Variants in USP34 observed in about 807,000 individuals in gnomAD.
USP34 encodes the protein ubiquitin specific peptidase 34.
A neutral mutation model predicts 460.3 loss-of-function variants in USP34; 70 were observed. The ratio of observed to expected loss-of-function variants is 0.15; its 90% CI spans 0.13 to 0.19. USP34 has a LOEUF of 0.19. Ranked by LOEUF, USP34 falls within the 10% of genes least tolerant of loss-of-function variation. USP34 has a pLI of 1.00. For synonymous variants in USP34, 1,647 were observed against 1,405.3 expected (o/e 1.17, Z -3.85); for missense variants, 3,985 against 4,236.2 (o/e 0.94, Z 1.65).
chr2:61,318,109 C>T (rs979777361), intron 22 of USP34, among the ~76,000 whole-genome samples: 2 of 147,454 alleles, frequency 1.4e-5, no homozygotes, highest in Non-Finnish European at 3.0e-5. Flanking sequence ...GGGAGAATTG[C>T]TTGAGCCTGG....
rs370507545 is a variant in USP34 at position 61,395,080 on chromosome 2, G to C, written c.604-78C>G. ...ATCTTAGCAATACTGGAAAGATACTGATGAGAAACTCAAAAGACATATATA... is the reference window on the plus strand; with the variant it reads ...ATCTTAGCAATACTGGAAAGATACTCATGAGAAACTCAAAAGACATATATA... On this transcript the variant is annotated intron_variant, in intron 4 of 79. Transcript: ENST00000398571. The C allele has an allele frequency of 7.5e-6, 11 of 1,465,842 alleles. No homozygotes were observed. The East Asian group carries it at 2.4e-4, about 31-fold the overall frequency. 90.8% of individuals were successfully genotyped at this position (1,465,842 alleles called of 1,614,324 possible).
intron 53 of USP34, among the ~76,000 whole-genome samples, chr2:61,239,055 A>G (rs193156125): frequency 2.4e-4 from 37 of 152,002 alleles, no homozygotes; most frequent in African/African-American, 8.9e-4. Context: ...TCAGGGTACC[A>G]CGAACTACAC....
chr2:61,220,221 T>C (rs1293698590), intron 67 of USP34, 89 bp downstream of exon 67: 12 of 920,512 alleles, frequency 1.3e-5, no homozygotes, highest in African/African-American at 1.8e-5. Context: ...TATACAACAA[T>C]GGGCATGTCG....
intron 1 of USP34, among the ~76,000 whole-genome samples, chr2:61,423,726 T>C (rs1311785984): frequency 6.6e-6 from 1 of 152,192 alleles, no homozygotes; most frequent in African/African-American, 2.4e-5. Flanking sequence ...GGAAGACTGC[T>C]TGAGGCCAGG....
intron 72 of USP34, 123 bp downstream of exon 72, chr2:61,205,894 G>C (rs1307557417): frequency 1.5e-6 from 1 of 666,602 alleles, no homozygotes; most frequent in Non-Finnish European, 2.6e-6. Context: ...CTGCTAGCTA[G>C]TGTGAGTTAC....
At chr2:61,267,680 C>G (rs1258277401) in intron 41 of USP34, among the ~76,000 whole-genome samples, 1 of 152,134 alleles carries the variant, frequency 6.6e-6, no homozygotes, top group Non-Finnish European at 1.5e-5. Context: ...GTGGCGCCAT[C>G]TCGGCTCACC....
At position 61,386,490 on chromosome 2, in the gene USP34, C is replaced by CA. The variant is rs1468556279; in HGVS notation, c.754-3155dup. ...TCAAGGTAAGCAAGAAAAAATTTTT[C>CA]AAAAAAAACAACAACTTTGGCCGGG... is the stretch of plus-strand genomic sequence containing the variant. On this transcript the variant is annotated intron_variant, in intron 5 of 79. Transcript: ENST00000398571. 9.9e-5 allele frequency among the ~76,000 whole-genome samples: 15 copies of CA among 151,374 alleles called. No individual in the cohort carries two copies. The South Asian group carries it at 1.9e-3, about 19-fold the overall frequency.
Position 61,420,737 on chromosome 2 carries a change from G to A in USP34, c.131+9C>T. On this transcript the variant is annotated intron_variant, in intron 2 of 79. Coordinates refer to ENST00000398571, the MANE Select transcript of USP34 (RefSeq NM_014709.4). ...AAAATTAGTCTTCGAAATACCTAAA[G>A]ATGCATACCTCTGTGTCCAGGAATT... is the stretch of plus-strand genomic sequence containing the variant. 4 of 1,580,094 alleles carry A rather than the reference G, an allele frequency of 2.5e-6. No homozygotes were observed. The highest frequency in any genetic ancestry group is 3.4e-6 in the Non-Finnish European group (4 of 1,165,516).
chr2:61,432,574 T>A (rs1428691405), intron 1 of USP34, among the ~76,000 whole-genome samples: 1 of 152,006 alleles, frequency 6.6e-6, no homozygotes, highest in Non-Finnish European at 1.5e-5. Context: ...AGCTCAAGAG[T>A]TCTAGGCCAG....
At chr2:61,207,732 A>G (rs1269832574) in intron 70 of USP34, 6 of 152,306 alleles carry the variant, frequency 3.9e-5, no homozygotes, top group Admixed American at 6.5e-5. Flanking sequence ...GTTGCATTTT[A>G]AAGAATGAAA....
Position 61,350,318 on chromosome 2 carries a change from A to G in USP34, c.1449T>C (p.Ser483=). ...ATAAAGATGCAAAAGAACTCTGTTT[A>G]GATAACTGAGCCTTAGCTGCTAGTG... ...NNALAAKAQL[S]KQSSFASLLN... is the part of the protein sequence containing the mutation. The change falls in exon 12 of 80, where the codon TCT becomes TCC. Residue 483 remains serine, a synonymous_variant. Transcript: ENST00000398571. 1 of 1,613,444 alleles carries G rather than the reference A, an allele frequency of 6.2e-7. No homozygotes were observed. The highest frequency in any genetic ancestry group is 8.5e-7 in the Non-Finnish European group (1 of 1,179,544).
intron 43 of USP34, chr2:61,265,179 TGTG>T: frequency 3.9e-6 from 2 of 516,296 alleles, no homozygotes. Context: ...ATTCCATAGC[TGTG>T]TTTTCCTTTG....
chr2:61,467,969 T>C (rs2104125428), intron 1 of USP34, among the ~76,000 whole-genome samples: 1 of 152,198 alleles, frequency 6.6e-6, no homozygotes, highest in Middle Eastern at 3.4e-3. Context: ...ATGCTCATCT[T>C]TGTACAAGGT....
chr2:61,191,330 G>A (rs1183508269), intron 76 of USP34: 1 of 151,910 alleles, frequency 6.6e-6, no homozygotes, highest in African/African-American at 2.4e-5. Context: ...ATTTAAATGT[G>A]CATTTTAATA....
chr2:61,332,361 T>A (rs1014616803), intron 19 of USP34, among the ~76,000 whole-genome samples: 1 of 152,090 alleles, frequency 6.6e-6, no homozygotes, highest in Non-Finnish European at 1.5e-5. Context: ...TGATGTAGTT[T>A]ATGAGATTTA....
chr2:61,401,140 ACT>A (rs1483009109), intron 3 of USP34, among the ~76,000 whole-genome samples: 4 of 119,784 alleles, frequency 3.3e-5, no homozygotes, highest in East Asian at 2.5e-4. Flanking sequence ...ACCAAGCAAG[ACT>A]CTGTCTCAAA....
chr2:61,425,414 A>G (rs183306879), intron 1 of USP34, among the ~76,000 whole-genome samples: 1 of 152,170 alleles, frequency 6.6e-6, no homozygotes, highest in African/African-American at 2.4e-5. Context: ...GCCAGCAGCA[A>G]AAGGCCTGGT....
At chr2:61,363,952 T>C (rs1383295155) in intron 10 of USP34, among the ~76,000 whole-genome samples, 1 of 152,200 alleles carries the variant, frequency 6.6e-6, no homozygotes, top group African/African-American at 2.4e-5. Context: ...AATAACAACT[T>C]TGTACCTATA....
At chr2:61,247,668 T>C (rs573640956) in intron 49 of USP34, among the ~76,000 whole-genome samples, 2 of 152,306 alleles carry the variant, frequency 1.3e-5, no homozygotes, top group Non-Finnish European at 2.9e-5. Flanking sequence ...GCTGTGACCA[T>C]AGGCATGTGT....
Sources: allele counts gnomAD v4.1 joint callset (sites outside exome capture counted in the v4.1 genomes callset), GRCh38; gene constraint gnomAD v4.1.1; transcripts MANE v1.5; gene names NCBI Gene and HGNC (gene_info 2026-07-23, HGNC 2026-07-21).